SLC30A5: variants seen among roughly 807,000 people sequenced by gnomAD.
The protein encoded by SLC30A5 is proton-coupled zinc antiporter SLC30A5.
Under a neutral mutation model 79.6 loss-of-function variants are expected in SLC30A5, and 33 were observed. The ratio of observed to expected loss-of-function variants is 0.41; its 90% CI spans 0.31 to 0.55. SLC30A5 has a LOEUF of 0.55. SLC30A5 is among the 20% of genes least tolerant of loss of function. SLC30A5 has a pLI of 0.20. For missense variants in SLC30A5, 788 were observed against 928.1 expected, an observed-to-expected ratio of 0.85 and a Z score of 1.96; for synonymous variants, 299 against 319.7, an observed-to-expected ratio of 0.94 and a Z score of 0.69.
rs114557556 is a variant in SLC30A5 at position 69,103,910 on chromosome 5, A to T, written c.274-721A>T. The stretch of plus-strand genomic sequence containing the variant: ...GTTTCAGAGACCAAGAACATTTTTT[A>T]AAATATGATTAATAGTCTAAACCCC... On this transcript the variant is annotated intron_variant, in intron 3 of 15. Transcript: ENST00000396591. The T allele has an allele frequency of 2.5e-3, 3,372 of 1,331,456 alleles. 90 individuals carry two copies. In the African/African-American group the frequency reaches 0.048, roughly 19 times the overall value. The allele number at this position is 1,331,456 out of a possible 1,614,324, so 82.5% of individuals were successfully genotyped here.
chr5:69,099,324 G>C (rs933251279), intron 1 of SLC30A5, among the ~76,000 whole-genome samples: 2 of 152,158 alleles, frequency 1.3e-5, no homozygotes, highest in African/African-American at 2.4e-5. Context: ...CACACACACA[G>C]GTATTTTTTT....
Position 69,129,430 on chromosome 5 carries a change from C to T in SLC30A5, c.2128-17C>T, listed in dbSNP as rs375990924. The T allele has an allele frequency of 3.1e-6, 5 of 1,596,248 alleles. No homozygotes were observed. The highest frequency in any genetic ancestry group is 4.3e-6 in the Non-Finnish European group (5 of 1,168,514). ...CATTACTCTAAATGCTTCAAAATAT[C>T]TGGATTTTTATAACAGGTTACAGGA... On this transcript the variant is annotated splice_polypyrimidine_tract_variant and intron_variant, in intron 15 of 15. Transcript: ENST00000396591.
rs6886492 is a variant in SLC30A5, at chr5:69,129,872, A to C, written c.*255A>C. 3 of 266,670 alleles carry C rather than the reference A, an allele frequency of 1.1e-5. No individual in the cohort carries two copies. Among genetic ancestry groups the C allele is most frequent in the Non-Finnish European group, 1.4e-5 (2 of 143,000 alleles). 16.5% of individuals were successfully genotyped at this position (266,670 alleles called of 1,614,324 possible). On this transcript the variant is annotated 3_prime_UTR_variant, in exon 16 of 16. Coordinates refer to ENST00000396591, the MANE Select transcript of SLC30A5 (RefSeq NM_022902.5). ...AAACATGATGTATTACATCATCTTC[A>C]AAAATAGATATGATGGATTCTAGTG... is the stretch of plus-strand genomic sequence containing the variant.
chr5:69,121,610 C>T (rs888764687), intron 12 of SLC30A5, 84 bp from the exon 13 acceptor site: 331 of 943,792 alleles, frequency 3.5e-4, no homozygotes, highest in Non-Finnish European at 4.8e-4. Context: ...AACAGAAAAA[C>T]ATATATAGCT....
chr5:69,108,140 C>A (rs1416331303), intron 4 of SLC30A5, among the ~76,000 whole-genome samples: 1 of 152,130 alleles, frequency 6.6e-6, no homozygotes. Flanking sequence ...TGACATAATT[C>A]TATGAGTGGT....
chr5:69,115,311 C>CGACGTTGGTGGAGCTA lies in SLC30A5; in HGVS notation c.688_703dup (p.Lys235ArgfsTer6). ...ATACAGCTTCCAGAAAGCTCTCTGTCGACGTTGGTGGAGCTAAACGTCTTC... is the reference window on the plus strand; with the variant it reads ...ATACAGCTTCCAGAAAGCTCTCTGTCGACGTTGGTGGAGCTAGACGTTGGTGGAGCTAAACGTCTTC... On this transcript the variant is annotated frameshift_variant, in exon 8 of 16. Transcript: ENST00000396591. LOFTEE classifies it high-confidence loss of function. 1.2e-6 allele frequency: 2 copies of CGACGTTGGTGGAGCTA among 1,613,900 alleles called. No homozygotes were observed. The highest frequency in any genetic ancestry group is 1.7e-6 in the Non-Finnish European group (2 of 1,179,870).
At chr5:69,109,820 C>A (rs2111962862) in intron 5 of SLC30A5, among the ~76,000 whole-genome samples, 1 of 152,294 alleles carries the variant, frequency 6.6e-6, no homozygotes, top group Admixed American at 6.5e-5. Flanking sequence ...GTCCTACTTG[C>A]AGACCCTGGC....
Position 69,116,046 on chromosome 5 carries a change from G to A in SLC30A5, c.904G>A (p.Ala302Thr), listed in dbSNP as rs1346574852. 4 of 1,614,016 alleles carry A rather than the reference G, an allele frequency of 2.5e-6. No homozygotes were observed. The highest frequency in any genetic ancestry group is 1.3e-5 in the African/African-American group (1 of 74,970). ...AGTCAAAATGGAAGTTTCCAAATGT[G>A]CTCGTTATGGATCCTTTCCCATTTT... ...CSVKMEVSKC[A>T]RYGSFPIFIS... Residue 302 changes from alanine (A) to threonine (T), a missense_variant, in exon 9 of 16, where the codon GCT (alanine) becomes ACT (threonine). Physicochemically the swap from Ala to Thr is moderately conservative, Grantham distance 58 (BLOSUM62 0). Around this residue, in one of 3 missense-constraint regions of SLC30A5, gnomAD observed 626 missense variants for 755.5 expected, o/e 0.83. Transcript: ENST00000396591. The surrounding 1 kb of genome is among the most constrained non-coding windows in gnomAD (Gnocchi z 4.0).
Position 69,116,739 on chromosome 5 carries a change from G to A in SLC30A5, c.1281+137G>A, listed in dbSNP as rs1232034494. 13 of 571,390 alleles carry A rather than the reference G, an allele frequency of 2.3e-5. No homozygotes were observed. The highest frequency in any genetic ancestry group is 9.4e-4 in the Middle Eastern group (2 of 2,122). 35.4% of individuals were successfully genotyped at this position (571,390 alleles called of 1,614,324 possible). On this transcript the variant is annotated intron_variant, in intron 10 of 15. Transcript: ENST00000396591. The surrounding 1 kb of genome is among the most constrained non-coding windows in gnomAD (Gnocchi z 4.0). ...ATTTAAATTTTTTCTAAGTATAATAGCAAGATTACGAGATCATATTCAGAT... is the reference window on the plus strand; with the variant it reads ...ATTTAAATTTTTTCTAAGTATAATAACAAGATTACGAGATCATATTCAGAT...
At position 69,095,196 on chromosome 5, in the gene SLC30A5, C is replaced by CTTTTT. The variant is rs371189827; in HGVS notation, c.83+876_83+880dup. ...CTGTAGTAATAGCATTATAACGTAA[C>CTTTTT]TTTTTTTTTTTTTTTTTTTTTTGAG... On this transcript the variant is annotated intron_variant, in intron 1 of 15. Transcript: ENST00000396591. Among the ~76,000 whole-genome samples the CTTTTT allele has an allele frequency of 9.1e-3, 1,020 of 112,266 alleles. 30 individuals are homozygous for CTTTTT. Among genetic ancestry groups the CTTTTT allele is most frequent in the Non-Finnish European group, 0.013 (739 of 57,700 alleles). 73.7% of individuals were successfully genotyped at this position (112,266 alleles called of 152,430 possible).
At chr5:69,124,719 G>T (rs930175178) in intron 14 of SLC30A5, among the ~76,000 whole-genome samples, 1 of 152,052 alleles carries the variant, frequency 6.6e-6, no homozygotes, top group Non-Finnish European at 1.5e-5. Context: ...GGGATTACAG[G>T]CCTACCACAC....
chr5:69,120,389 G>GA (rs34836340), intron 12 of SLC30A5, among the ~76,000 whole-genome samples: 61,873 of 146,572 alleles, frequency 0.42, 12,853 homozygotes, highest in East Asian at 0.53. Context: ...GTCTCAAAAT[G>GA]AAAAAAAAAA....
chr5:69,116,291 T>G lies in SLC30A5; in HGVS notation c.1072+77T>G. 1 of 1,508,660 alleles carries G rather than the reference T, an allele frequency of 6.6e-7. No homozygotes were observed. The highest frequency in any genetic ancestry group is 8.9e-7 in the Non-Finnish European group (1 of 1,125,930). The allele number at this position is 1,508,660 out of a possible 1,614,324, so 93.5% of individuals were successfully genotyped here. Reference sequence around the variant, plus strand: ...TGATGGTCACATCATTTACTTATTTTGGGAAATTCTTCAGTGCTTGCATTT... The same window carrying G: ...TGATGGTCACATCATTTACTTATTTGGGGAAATTCTTCAGTGCTTGCATTT... On this transcript the variant is annotated intron_variant, in intron 9 of 15. Coordinates refer to ENST00000396591, the MANE Select transcript of SLC30A5 (RefSeq NM_022902.5). This position sits in a 1 kb window ranked among gnomAD's most constrained non-coding sequence, Gnocchi z 4.0.
chr5:69,122,292 G>T (rs770369564), intron 13 of SLC30A5, among the ~76,000 whole-genome samples: 23 of 152,128 alleles, frequency 1.5e-4, no homozygotes, highest in Non-Finnish European at 2.8e-4. Context: ...AGCTACTCAG[G>T]AGGCCGAGGC....
chr5:69,128,955 C>T (rs904889319), intron 15 of SLC30A5, among the ~76,000 whole-genome samples: 9 of 152,156 alleles, frequency 5.9e-5, no homozygotes, highest in South Asian at 4.2e-4. Context: ...AATATTACTT[C>T]GAAGATTTAT....
chr5:69,099,322 C>G (rs1043122881), intron 1 of SLC30A5, among the ~76,000 whole-genome samples: 1 of 152,210 alleles, frequency 6.6e-6, no homozygotes, highest in African/African-American at 2.4e-5. Flanking sequence ...TGCACACACA[C>G]AGGTATTTTT....
intron 11 of SLC30A5, among the ~76,000 whole-genome samples, chr5:69,117,876 CAAAAAA>C (rs1213773161): frequency 2.3e-5 from 3 of 130,440 alleles, no homozygotes; most frequent in Non-Finnish European, 4.9e-5. Context: ...GACTATGTCT[CAAAAAA>C]AAAAAAGACA....
chr5:69,102,896 TAGG>T (rs1380560842), intron 2 of SLC30A5, 163 bp from the exon 3 acceptor site: 10 of 368,094 alleles, frequency 2.7e-5, no homozygotes, highest in Non-Finnish European at 4.5e-5. Context: ...AATATTGCAA[TAGG>T]AGTTTTACTA....
At chr5:69,113,333 A>T in intron 6 of SLC30A5, 106 bp downstream of exon 6, 2 of 739,352 alleles carry the variant, frequency 2.7e-6, no homozygotes, top group Non-Finnish European at 4.4e-6. Context: ...TCAATGATGA[A>T]TGAAACTTTC....
Sources: gnomAD v4.1 joint callset for allele counts (sites outside exome capture counted in the v4.1 genomes callset) on GRCh38, gnomAD v4.1.1 for gene constraint, gnomAD v4.1.1 regional missense constraint, Gnocchi (gnomAD v3.1) non-coding constraint, MANE v1.5 for transcripts, NCBI Gene and HGNC (gene_info 2026-07-23, HGNC 2026-07-21) for gene names.